MCPH1: variants seen among roughly 807,000 people sequenced by gnomAD.
The protein encoded by MCPH1 is microcephalin 1.
MCPH1 carries 104 observed loss-of-function variants against 84.5 expected under a neutral mutation model. The observed-to-expected ratio is 1.23, with a 90% CI of 1.05 to 1.45. The LOEUF (loss-of-function observed/expected upper bound fraction) is 1.45, where lower values mean the gene tolerates loss of function less well. Among genes scored for constraint, MCPH1 ranks in the 40% most tolerant of loss-of-function variants. The pLI is 0.00. For synonymous variants in MCPH1, 514 were observed against 366.8 expected, an observed-to-expected ratio of 1.40 and a Z score of -4.58; for missense variants, 1,498 against 1,005.7, an observed-to-expected ratio of 1.49 and a Z score of -6.62.
At chr8:6,522,089 C>G (rs1323067600) in intron 12 of MCPH1, among the ~76,000 whole-genome samples, 1 of 152,240 alleles carries the variant, frequency 6.6e-6, no homozygotes, top group Middle Eastern at 3.2e-3. Context: ...GGCGCAGTGG[C>G]TCACGCTTGT....
intron 12 of MCPH1, among the ~76,000 whole-genome samples, chr8:6,551,651 A>C (rs560531022): frequency 1.3e-5 from 2 of 152,308 alleles, no homozygotes; most frequent in Admixed American, 1.3e-4. Context: ...TCAGGTCAGG[A>C]ATTCCTGTCA....
chr8:6,489,884 G>A (rs747235549), intron 11 of MCPH1, among the ~76,000 whole-genome samples: 1 of 152,190 alleles, frequency 6.6e-6, no homozygotes, highest in Non-Finnish European at 1.5e-5. Context: ...GTATATTAAT[G>A]AAAAAGTTGC....
At chr8:6,604,155 A>G (rs1008618292) in intron 12 of MCPH1, among the ~76,000 whole-genome samples, 6 of 151,986 alleles carry the variant, frequency 3.9e-5, no homozygotes, top group Non-Finnish European at 7.4e-5. Flanking sequence ...CTCAGCCCCC[A>G]TGCTGTCATA....
chr8:6,497,807 C>A (rs186796663), intron 11 of MCPH1, among the ~76,000 whole-genome samples: 3 of 152,108 alleles, frequency 2.0e-5, no homozygotes, highest in Non-Finnish European at 4.4e-5. Flanking sequence ...CTTGTGCTTT[C>A]TATAGATTAA....
chr8:6,454,946 T>C (rs1356916972), intron 8 of MCPH1, among the ~76,000 whole-genome samples, 197 bp from the exon 9 acceptor site: 3 of 152,244 alleles, frequency 2.0e-5, no homozygotes, highest in Non-Finnish European at 4.4e-5. Flanking sequence ...ACCATTGAAT[T>C]AAGTGAATTG....
chr8:6,564,850 C>G (rs778128933), intron 12 of MCPH1, among the ~76,000 whole-genome samples: 5 of 152,188 alleles, frequency 3.3e-5, no homozygotes, highest in Non-Finnish European at 7.3e-5. Flanking sequence ...GATCTTGCTA[C>G]TGAACATTGG....
At chr8:6,521,470 A>T (rs1205855036) in intron 12 of MCPH1, 7 of 1,210,866 alleles carry the variant, frequency 5.8e-6, no homozygotes, top group Non-Finnish European at 5.7e-6. Flanking sequence ...TTTTATATTT[A>T]TTGAATTTCT....
intron 12 of MCPH1, chr8:6,519,727 C>T (rs1295596561): frequency 9.4e-7 from 1 of 1,061,422 alleles, no homozygotes; most frequent in Non-Finnish European, 1.3e-6. Context: ...GGCGAGGTAG[C>T]TGCCCAGTAA....
intron 12 of MCPH1, among the ~76,000 whole-genome samples, chr8:6,513,036 C>G (rs929192697): frequency 4.6e-5 from 7 of 152,206 alleles, no homozygotes; most frequent in African/African-American, 1.7e-4. Flanking sequence ...ATCATTTATG[C>G]TATTCATGTG....
At chr8:6,581,357 A>T (rs1341445330) in intron 12 of MCPH1, among the ~76,000 whole-genome samples, 3 of 152,354 alleles carry the variant, frequency 2.0e-5, no homozygotes, top group East Asian at 3.9e-4. Flanking sequence ...ATTTACTACT[A>T]ACATGTAGTT....
In MCPH1 at chr8:6,423,296, C is replaced by T. The variant is rs1330182794; in HGVS notation, c.234-8203C>T. Among the ~76,000 whole-genome samples the T allele has an allele frequency of 3.4e-5, 5 of 145,204 alleles. No individual in the cohort carries two copies. In the Admixed American group the frequency reaches 3.6e-4, roughly 10 times the overall value. On this transcript the variant is annotated intron_variant, in intron 3 of 13. Coordinates refer to ENST00000344683, the MANE Select transcript of MCPH1 (RefSeq NM_024596.5). ...TCTCCTGCCTCAGCCTCCTGAGTAG[C>T]TGGGACTACAGGCGCCCGCCACCAC...
rs911978407 is a variant in MCPH1, at chr8:6,445,130, A to G, written c.1408A>G (p.Thr470Ala). The G allele has an allele frequency of 2.4e-5, 39 of 1,614,154 alleles. No individual in the cohort carries two copies. Among genetic ancestry groups the G allele is most frequent in the African/African-American group, 4.0e-5 (3 of 74,952 alleles). The change falls in exon 8 of 14, where the codon ACA becomes GCA. Residue 470 changes from threonine to alanine, a missense_variant. Transcript: ENST00000344683. ...TTCCTGCGTTGGCAAAAAAACCAGA[A>G]CAGTTGACATTACCAATTTCACAGC... ...DFSCVGKKTR[T>A]VDITNFTAKT...
In MCPH1 at chr8:6,445,304, A is replaced by G. The variant is rs746595896; in HGVS notation, c.1582A>G (p.Thr528Ala). 2 of 1,614,228 alleles carry G rather than the reference A, an allele frequency of 1.2e-6. No homozygotes were observed. The highest frequency in any genetic ancestry group is 1.7e-6 in the Non-Finnish European group (2 of 1,180,042). The change falls in exon 8 of 14, where the codon ACC (threonine) becomes GCC (alanine). Residue 528 changes from threonine to alanine, a missense_variant. Coordinates refer to ENST00000344683, the MANE Select transcript of MCPH1 (RefSeq NM_024596.5). ...CCCAGAGGGAAATGGCTTTTCTTAC[A>G]CCATTGAGGACCCTGCTCTTCCAAA... Reference protein sequence around the residue: ...ACPEGNGFSYTIEDPALPKGH... With the variant: ...ACPEGNGFSYAIEDPALPKGH...
chr8:6,467,971 A>T (rs1323602818), intron 9 of MCPH1, among the ~76,000 whole-genome samples: 1 of 152,216 alleles, frequency 6.6e-6, no homozygotes, highest in Non-Finnish European at 1.5e-5. Context: ...AGCACTAGCC[A>T]GGAAATCCAT....
chr8:6,443,377 A>G (rs765245362), intron 7 of MCPH1, among the ~76,000 whole-genome samples: 2 of 152,250 alleles, frequency 1.3e-5, no homozygotes, highest in African/African-American at 4.8e-5. Flanking sequence ...CTTATTTCCA[A>G]CTACTGCCTT....
chr8:6,512,714 C>T (rs1464264892), intron 12 of MCPH1, among the ~76,000 whole-genome samples: 2 of 152,176 alleles, frequency 1.3e-5, no homozygotes, highest in South Asian at 2.1e-4. Flanking sequence ...CATTGCTGTT[C>T]TCTCTCTCTA....
In MCPH1 at chr8:6,499,924, G is replaced by A. The variant is rs780230267; in HGVS notation, c.2209G>A (p.Ala737Thr). 6.2e-7 allele frequency: 1 copy of A among 1,613,254 alleles called. No homozygotes were observed. The highest frequency in any genetic ancestry group is 1.3e-5 in the African/African-American group (1 of 74,906). ...CGAACTGTCTCACCACTTCCCTGCA[G>A]CTCCCGTAAGTCAGATGTTGTTTTA... ...PFELSHHFPA[A>T]PLCRSECHLS... Residue 737 changes from alanine to threonine, a missense_variant, in exon 12 of 14, where the codon GCT becomes ACT. By Grantham distance (58) the Ala-to-Thr change is moderately conservative. Coordinates refer to ENST00000344683, the MANE Select transcript of MCPH1 (RefSeq NM_024596.5).
intron 12 of MCPH1, among the ~76,000 whole-genome samples, chr8:6,606,736 C>T (rs3933926): frequency 6.6e-6 from 1 of 152,238 alleles, no homozygotes; most frequent in African/African-American, 2.4e-5. Context: ...CCACCCAAAT[C>T]TCATCTTGAG....
At chr8:6,590,987 C>G (rs994261072) in intron 12 of MCPH1, among the ~76,000 whole-genome samples, 1 of 152,208 alleles carries the variant, frequency 6.6e-6, no homozygotes, top group Non-Finnish European at 1.5e-5. Flanking sequence ...CTGCAACCTC[C>G]GCTTCCTGGG....
Sources: gnomAD v4.1 joint callset for allele counts (sites outside exome capture counted in the v4.1 genomes callset) on GRCh38, gnomAD v4.1.1 for gene constraint, MANE v1.5 for transcripts, NCBI Gene and HGNC (gene_info 2026-07-23, HGNC 2026-07-21) for gene names.